SPEN: variants seen among roughly 807,000 people sequenced by gnomAD.
The protein encoded by SPEN is msx2-interacting protein.
A neutral mutation model predicts 269.9 loss-of-function variants in SPEN; 18 were observed. The observed-to-expected ratio is 0.07, with a 90% CI of 0.05 to 0.10. The LOEUF is 0.10. Ranked by LOEUF, SPEN falls within the 10% of genes least tolerant of loss-of-function variation. SPEN has a pLI of 1.00. For missense variants in SPEN, 3,822 were observed against 4,631.2 expected (o/e 0.83, Z 5.07); for synonymous variants, 1,726 against 1,765.7 (o/e 0.98, Z 0.56).
At chr1:15,912,202 A>T (rs2071018972) in intron 5 of SPEN, among the ~76,000 whole-genome samples, 1 of 152,172 alleles carries the variant, frequency 6.6e-6, no homozygotes, top group Non-Finnish European at 1.5e-5. Context: ...ATCTTCTCAC[A>T]CGTGGCTTGC....
intron 10 of SPEN, among the ~76,000 whole-genome samples, chr1:15,924,854 T>C (rs2071151756): frequency 6.6e-6 from 1 of 152,214 alleles, no homozygotes; most frequent in African/African-American, 2.4e-5. Flanking sequence ...ATGGCAGTTA[T>C]CTCCTCATGA....
intron 1 of SPEN, among the ~76,000 whole-genome samples, chr1:15,856,923 A>G (rs1303896031): frequency 1.3e-5 from 2 of 152,154 alleles, no homozygotes; most frequent in Non-Finnish European, 2.9e-5. Flanking sequence ...TATATGATCA[A>G]TTTGTGTTAT....
intron 3 of SPEN, among the ~76,000 whole-genome samples, chr1:15,891,654 T>G (rs1158393142): frequency 6.6e-6 from 1 of 151,940 alleles, no homozygotes; most frequent in Non-Finnish European, 1.5e-5. Context: ...CCGGCCTTGT[T>G]TTTTGTTTTT....
At chr1:15,938,559 A>T in intron 13 of SPEN, 159 bp from the exon 14 acceptor site, 1 of 621,704 alleles carries the variant, frequency 1.6e-6, no homozygotes, top group Non-Finnish European at 2.5e-6. Context: ...TCAGGTTGAA[A>T]AAAAGCTTTT....
intron 4 of SPEN, 48 bp downstream of exon 4, chr1:15,909,529 T>C: frequency 6.5e-7 from 1 of 1,539,044 alleles, no homozygotes; most frequent in Non-Finnish European, 8.9e-7. Flanking sequence ...TACTGAGGAA[T>C]GAGGTATGAT....
chr1:15,910,798 A>G (rs2071005713), intron 4 of SPEN, among the ~76,000 whole-genome samples: 1 of 152,190 alleles, frequency 6.6e-6, no homozygotes, highest in African/African-American at 2.4e-5. Flanking sequence ...GTTTATTTTC[A>G]GAATTGTACA....
At chr1:15,879,144 A>T (rs1166713446) in intron 3 of SPEN, among the ~76,000 whole-genome samples, 5 of 151,864 alleles carry the variant, frequency 3.3e-5, no homozygotes, top group African/African-American at 9.7e-5. Flanking sequence ...GGAGTTCGAG[A>T]CCAGCCTGGT....
chr1:15,899,563 T>TTTA (rs2070880021), intron 3 of SPEN, among the ~76,000 whole-genome samples: 3 of 146,322 alleles, frequency 2.1e-5, no homozygotes, highest in East Asian at 2.0e-4. Flanking sequence ...TTTTTTTTTT[T>TTTA]AAGATCCTGT....
rs890699124 is a variant in SPEN at position 15,876,765 on chromosome 1, A to AT, written c.881+93dup. ...GTGGGAATGGTTTCAGCATAGTATT[A>AT]TTTTTTAAAGTAATCTTGGATCATA... On this transcript the variant is annotated intron_variant, in intron 3 of 14. Transcript: ENST00000375759. 4 of 1,022,838 alleles carry AT rather than the reference A, an allele frequency of 3.9e-6. No individual in the cohort carries two copies. The African/African-American group carries it at 4.8e-5, about 12-fold the overall frequency. 63.4% of individuals were successfully genotyped at this position (1,022,838 alleles called of 1,614,324 possible).
At chr1:15,873,316 A>T in intron 2 of SPEN, 180 bp downstream of exon 2, 1 of 985,384 alleles carries the variant, frequency 1.0e-6, no homozygotes, top group Non-Finnish European at 1.2e-6. Flanking sequence ...ATCGTAGAGG[A>T]TATTTCCTGC....
At position 15,928,662 on chromosome 1, in the gene SPEN, T is replaced by G. The variant is rs138688786; in HGVS notation, c.2422T>G (p.Leu808Val). The change falls in exon 11 of 15, where the codon TTA becomes GTA. Residue 808 changes from leucine to valine, a missense_variant. Physicochemically the swap from Leu to Val is conservative, Grantham distance 32 (BLOSUM62 1). Transcript: ENST00000375759. The surrounding 1 kb of genome is among the most constrained non-coding windows in gnomAD (Gnocchi z 5.7). ...GGAGAGAGTGGAGAGAGAGAGACGCTTAATACGGAAGGAAAAAGTGGAAAA... is the reference window on the plus strand; with the variant it reads ...GGAGAGAGTGGAGAGAGAGAGACGCGTAATACGGAAGGAAAAAGTGGAAAA... Reference protein sequence around the residue: ...DPERVERERRLIRKEKVEKDK... With the variant: ...DPERVERERRVIRKEKVEKDK... 149 of 1,613,864 alleles carry G rather than the reference T, an allele frequency of 9.2e-5. No homozygotes were observed. In the African/African-American group the frequency reaches 1.7e-3, roughly 18 times the overall value.
chr1:15,887,720 T>TA (rs572826937), intron 3 of SPEN, among the ~76,000 whole-genome samples: 8,251 of 139,000 alleles, frequency 0.059, 297 homozygotes, highest in Non-Finnish European at 0.083. Context: ...CCTCATCTCT[T>TA]AAAAAAAAAA....
At position 15,918,926 on chromosome 1, in the gene SPEN, G is replaced by A; in HGVS notation, c.1396G>A (p.Asp466Asn). 1 of 1,605,274 alleles carries A rather than the reference G, an allele frequency of 6.2e-7. No homozygotes were observed. The highest frequency in any genetic ancestry group is 8.5e-7 in the Non-Finnish European group (1 of 1,177,520). Residue 466 changes from aspartate (D) to asparagine (N), a missense_variant and splice_region_variant, in exon 7 of 15, where the codon GAT becomes AAT. Transcript: ENST00000375759. ...AAGTTGTATTCATTGGTTTTTTCAG[G>A]ATATTGACATTAAGAAAGTAAATGG... is the stretch of plus-strand genomic sequence containing the variant. Reference protein sequence around the residue: ...NIFQRFGEIVDIDIKKVNGVP... With the variant: ...NIFQRFGEIVNIDIKKVNGVP...
intron 3 of SPEN, among the ~76,000 whole-genome samples, chr1:15,902,159 C>T (rs1456947951): frequency 6.6e-6 from 1 of 152,036 alleles, no homozygotes; most frequent in African/African-American, 2.4e-5. Flanking sequence ...AAACTCCTGA[C>T]CTCAAGTGAT....
intron 1 of SPEN, among the ~76,000 whole-genome samples, chr1:15,849,329 A>C (rs951786223): frequency 1.3e-5 from 2 of 152,240 alleles, no homozygotes; most frequent in African/African-American, 4.8e-5. Context: ...TGGGAAAAAT[A>C]GATTGCGTCG....
At chr1:15,894,813 G>A (rs570740652) in intron 3 of SPEN, among the ~76,000 whole-genome samples, 2 of 152,152 alleles carry the variant, frequency 1.3e-5, no homozygotes, top group Admixed American at 6.5e-5. Context: ...GATTACAAGC[G>A]TGAGCCACCG....
chr1:15,940,045 A>G lies in SPEN; in HGVS notation c.*618A>G, dbSNP rs917877225. On this transcript the variant is annotated 3_prime_UTR_variant, in exon 15 of 15. Coordinates refer to ENST00000375759, the MANE Select transcript of SPEN (RefSeq NM_015001.3). ...TACAGTTTACAGTTGAAGAGCAAACAGAAAGGTTTTCTCTTGGTGGGATAT... is the reference window on the plus strand; with the variant it reads ...TACAGTTTACAGTTGAAGAGCAAACGGAAAGGTTTTCTCTTGGTGGGATAT... 12 of 226,756 alleles carry G rather than the reference A, an allele frequency of 5.3e-5. No homozygotes were observed. Among genetic ancestry groups the G allele is most frequent in the Non-Finnish European group, 7.0e-5 (8 of 114,222 alleles). 14.0% of individuals were successfully genotyped at this position (226,756 alleles called of 1,614,324 possible). A position where few individuals can be genotyped will look rare whatever the true frequency, so the allele number is the denominator to read the frequency against.
chr1:15,933,339 C>A lies in SPEN; in HGVS notation c.7099C>A (p.Pro2367Thr), dbSNP rs375803738. 6.2e-7 allele frequency: 1 copy of A among 1,614,106 alleles called. No homozygotes were observed. The highest frequency in any genetic ancestry group is 1.3e-5 in the African/African-American group (1 of 75,024). Residue 2367 changes from proline (P) to threonine (T), a missense_variant, in exon 11 of 15, where the codon CCT becomes ACT. Physicochemically the swap from Pro to Thr is conservative, Grantham distance 38 (BLOSUM62 -1). Around this residue, in one of 16 missense-constraint regions of SPEN, gnomAD observed 727 missense variants for 737.9 expected, o/e 0.99. Transcript: ENST00000375759. The surrounding 1 kb of genome is among the most constrained non-coding windows in gnomAD (Gnocchi z 5.7). ...PESNQAQGES[P>T]AANEGTTVQH... ...ATCCAACCAAGCTCAAGGTGAGAGTCCTGCTGCAAATGAGGGGACAACAGT... is the reference window on the plus strand; with the variant it reads ...ATCCAACCAAGCTCAAGGTGAGAGTACTGCTGCAAATGAGGGGACAACAGT...
In SPEN at chr1:15,933,638, C is replaced by T; in HGVS notation, c.7398C>T (p.Ser2466=). 1.2e-6 allele frequency: 2 copies of T among 1,614,172 alleles called. No individual in the cohort carries two copies. Among genetic ancestry groups the T allele is most frequent in the Non-Finnish European group, 1.7e-6 (2 of 1,180,028 alleles). ...CGGTGACCCCACCCAGCGATCCAAG[C>T]ATCCCCATACCCACACTGCCTTCTG... The part of the protein sequence containing the change: ...SDPVTPPSDP[S]IPIPTLPSVT... The change falls in exon 11 of 15, where the codon AGC becomes AGT. Residue 2466 remains serine (S), a synonymous_variant. Transcript: ENST00000375759. This position sits in a 1 kb window ranked among gnomAD's most constrained non-coding sequence, Gnocchi z 5.7.
Sources: gnomAD v4.1 joint callset for allele counts (sites outside exome capture counted in the v4.1 genomes callset) on GRCh38, gnomAD v4.1.1 for gene constraint, gnomAD v4.1.1 regional missense constraint, Gnocchi (gnomAD v3.1) non-coding constraint, MANE v1.5 for transcripts, NCBI Gene and HGNC (gene_info 2026-07-23, HGNC 2026-07-21) for gene names.